The following DENND5A variants were observed in gnomAD, a reference collection of about 807,000 sequenced individuals.
DENND5A encodes the protein DENN domain containing 5A.
A neutral mutation model predicts 140.3 loss-of-function variants in DENND5A; 64 were observed. The ratio of observed to expected loss-of-function variants is 0.46; its 90% CI spans 0.37 to 0.56. The LOEUF (loss-of-function observed/expected upper bound fraction) is 0.56, where lower values mean the gene tolerates loss of function less well. Ranked by LOEUF, DENND5A falls within the 20% of genes least tolerant of loss-of-function variation. The pLI is 0.00. For missense variants in DENND5A, 1,292 were observed against 1,593.8 expected, an observed-to-expected ratio of 0.81 and a Z score of 3.22; for synonymous variants, 605 against 607.7, an observed-to-expected ratio of 1.00 and a Z score of 0.07.
intron 11 of DENND5A, among the ~76,000 whole-genome samples, chr11:9,163,848 A>G (rs1174964232): frequency 6.6e-6 from 1 of 151,822 alleles, no homozygotes; most frequent in African/African-American, 2.4e-5. Flanking sequence ...CTTAGAAAAA[A>G]AAAATGCAGA....
chr11:9,256,936 G>T (rs1851971813), intron 1 of DENND5A, among the ~76,000 whole-genome samples: 1 of 152,146 alleles, frequency 6.6e-6, no homozygotes, highest in Non-Finnish European at 1.5e-5. Context: ...ACACATAAAT[G>T]ATAAAGCAAA....
At chr11:9,142,979 C>T in intron 20 of DENND5A, 134 bp from the exon 21 acceptor site, 1 of 1,165,362 alleles carries the variant, frequency 8.6e-7, no homozygotes, top group Non-Finnish European at 1.2e-6. Context: ...GTTTCCCTAA[C>T]ACCTGGCACA....
intron 11 of DENND5A, among the ~76,000 whole-genome samples, chr11:9,163,697 G>A (rs1268888360): frequency 4.0e-5 from 6 of 151,784 alleles, no homozygotes; most frequent in East Asian, 3.9e-4. Context: ...CCAGCCACTC[G>A]GGAGGCTAAG....
chr11:9,260,041 A>T, intron 1 of DENND5A, among the ~76,000 whole-genome samples: 1 of 151,546 alleles, frequency 6.6e-6, no homozygotes, highest in East Asian at 1.9e-4. Context: ...AAAAAAAAAA[A>T]AAAAAAAAAG....
At chr11:9,142,682 C>T (rs1362557633) in intron 21 of DENND5A, 40 bp downstream of exon 21, 1 of 1,612,638 alleles carries the variant, frequency 6.2e-7, no homozygotes, top group Non-Finnish European at 8.5e-7. Context: ...CCTTATATCT[C>T]TACATGCTTC....
intron 1 of DENND5A, among the ~76,000 whole-genome samples, chr11:9,249,609 C>T (rs1050391567): frequency 2.0e-5 from 3 of 152,054 alleles, no homozygotes; most frequent in Non-Finnish European, 2.9e-5. Context: ...AGTGCAATGG[C>T]GCAATCTCAG....
At chr11:9,223,311 C>A (rs559369696) in intron 1 of DENND5A, among the ~76,000 whole-genome samples, 1 of 152,052 alleles carries the variant, frequency 6.6e-6, no homozygotes, top group South Asian at 2.1e-4. Context: ...GCAGAATAGG[C>A]CAAGGCAGGC....
chr11:9,265,209 C>T lies in DENND5A; in HGVS notation c.-140G>A. 1 of 300,154 alleles carries T rather than the reference C, an allele frequency of 3.3e-6. No homozygotes were observed. Among genetic ancestry groups the T allele is most frequent in the Non-Finnish European group, 5.1e-6 (1 of 194,808 alleles). 18.6% of individuals were successfully genotyped at this position (300,154 alleles called of 1,614,324 possible). A position where few individuals can be genotyped will look rare whatever the true frequency, so the allele number is the denominator to read the frequency against. Reference sequence around the variant, plus strand: ...CGGGCCGCCGCCCCCGGCCCTGGCCCGGTCCCCTCGGCCGCCGCGGCTGCC... The same window carrying T: ...CGGGCCGCCGCCCCCGGCCCTGGCCTGGTCCCCTCGGCCGCCGCGGCTGCC... On this transcript the variant is annotated 5_prime_UTR_variant, in exon 1 of 23. Transcript: ENST00000328194. The surrounding 1 kb of genome is among the most constrained non-coding windows in gnomAD (Gnocchi z 4.7).
In DENND5A at chr11:9,193,565, G is replaced by A; in HGVS notation, c.1066C>T (p.Pro356Ser). Residue 356 changes from proline to serine, a missense_variant, in exon 5 of 23, where the codon CCT becomes TCT. Around this residue, in one of 4 missense-constraint regions of DENND5A, gnomAD observed 566 missense variants for 650.4 expected, o/e 0.87. Coordinates refer to ENST00000328194, the MANE Select transcript of DENND5A (RefSeq NM_015213.4). Reference protein sequence around the residue: ...PASLLHFLDAPVPYLMGLHSN... With the variant: ...PASLLHFLDASVPYLMGLHSN... ...TGCAAACCCATCAGGTATGGAACAGGAGCATCTAAGAAATGCAGGAGAGAA... is the reference window on the plus strand; with the variant it reads ...TGCAAACCCATCAGGTATGGAACAGAAGCATCTAAGAAATGCAGGAGAGAA... The A allele has an allele frequency of 6.2e-7, 1 of 1,614,048 alleles. No homozygotes were observed. The highest frequency in any genetic ancestry group is 8.5e-7 in the Non-Finnish European group (1 of 1,180,004).
rs1847343771 is a variant in DENND5A at position 9,144,200 on chromosome 11, T to C, written c.3201A>G (p.Thr1067=). Residue 1067 remains threonine, a synonymous_variant, in exon 19 of 23, where the codon ACA becomes ACG. Coordinates refer to ENST00000328194, the MANE Select transcript of DENND5A (RefSeq NM_015213.4). ...GCCTCTCATCCACCTCAGGCTGGGA[T>C]GTGAGCAGCTCCCCAACTAGGATCC... ...LERILVGELL[T]SQPEVDERPC... The C allele has an allele frequency of 6.2e-7, 1 of 1,614,050 alleles. No homozygotes were observed. Among genetic ancestry groups the C allele is most frequent in the Non-Finnish European group, 8.5e-7 (1 of 1,180,030 alleles).
Position 9,160,846 on chromosome 11 carries a change from T to C in DENND5A, c.2303A>G (p.Glu768Gly). ...CRNKTKRMLVEKMGREAVELG... is the reference protein window; with the variant it reads ...CRNKTKRMLVGKMGREAVELG... ...CTCCACAGCTTCTCGGCCCATCTTT[T>C]CCACCAGCATCCTCTTGGTCTACAA... is the stretch of plus-strand genomic sequence containing the variant. Residue 768 changes from glutamate to glycine, a missense_variant, in exon 12 of 23, where the codon GAA becomes GGA. Transcript: ENST00000328194. The C allele has an allele frequency of 6.2e-7, 1 of 1,614,004 alleles. No homozygotes were observed. The highest frequency in any genetic ancestry group is 8.5e-7 in the Non-Finnish European group (1 of 1,179,872).
intron 5 of DENND5A, among the ~76,000 whole-genome samples, chr11:9,187,337 C>T (rs536540150): frequency 5.9e-5 from 9 of 152,136 alleles, no homozygotes; most frequent in East Asian, 1.9e-4. Context: ...GAAGAGGTAC[C>T]GAATGCCAAG....
intron 1 of DENND5A, among the ~76,000 whole-genome samples, chr11:9,243,217 G>A (rs1851321282): frequency 6.6e-6 from 1 of 151,274 alleles, no homozygotes. Flanking sequence ...ACTGAGCTAA[G>A]TAGTTAACAG....
At chr11:9,255,512 A>G (rs1262036039) in intron 1 of DENND5A, among the ~76,000 whole-genome samples, 1 of 151,814 alleles carries the variant, frequency 6.6e-6, no homozygotes, top group Non-Finnish European at 1.5e-5. Flanking sequence ...CAGGTGAATG[A>G]CCTGAGGTCA....
chr11:9,246,920 T>A (rs1018639743), intron 1 of DENND5A, among the ~76,000 whole-genome samples: 1 of 152,076 alleles, frequency 6.6e-6, no homozygotes, highest in African/African-American at 2.4e-5. Context: ...TTCCTGAAAT[T>A]TACCCATACC....
At chr11:9,156,583 C>T (rs1590214766) in intron 12 of DENND5A, among the ~76,000 whole-genome samples, 1 of 150,280 alleles carries the variant, frequency 6.7e-6, no homozygotes, top group African/African-American at 2.5e-5. Flanking sequence ...GCCAAGATCG[C>T]GCCATTGCAC....
At chr11:9,256,110 T>C in intron 1 of DENND5A, among the ~76,000 whole-genome samples, 1 of 150,134 alleles carries the variant, frequency 6.7e-6, no homozygotes, top group Admixed American at 6.6e-5. Flanking sequence ...AATGAAAACA[T>C]AGGCCTACAC....
intron 1 of DENND5A, among the ~76,000 whole-genome samples, chr11:9,212,568 A>C (rs1249735229): frequency 3.3e-5 from 5 of 152,174 alleles, no homozygotes; most frequent in Non-Finnish European, 7.3e-5. Flanking sequence ...GAAGAAACTG[A>C]AATTACTACT....
chr11:9,178,995 G>A lies in DENND5A; in HGVS notation c.1534C>T (p.Leu512=), dbSNP rs1444651130. The change falls in exon 7 of 23, where the codon CTA becomes TTA. Residue 512 remains leucine (L), a synonymous_variant. Transcript: ENST00000328194. ...CDEEELRIYQ[L]NIQIREVFAN... ...AAAACTTCCCGGATCTGAATGTTTA[G>A]CTGGTAAATCCTGAGTTCTTCTTCA... 1.2e-6 allele frequency: 2 copies of A among 1,614,146 alleles called. No homozygotes were observed. Among genetic ancestry groups the A allele is most frequent in the South Asian group, 2.2e-5 (2 of 91,088 alleles).
Sources: gnomAD v4.1 joint callset for allele counts (sites outside exome capture counted in the v4.1 genomes callset) on GRCh38, gnomAD v4.1.1 for gene constraint, gnomAD v4.1.1 regional missense constraint, Gnocchi (gnomAD v3.1) non-coding constraint, MANE v1.5 for transcripts, NCBI Gene and HGNC (gene_info 2026-07-23, HGNC 2026-07-21) for gene names.